The following DOCK3 variants were observed in gnomAD, a reference collection of about 807,000 sequenced individuals.
DOCK3 encodes the protein dedicator of cytokinesis protein 3.
Under a neutral mutation model 265.6 loss-of-function variants are expected in DOCK3, and 60 were observed. That is an observed-to-expected ratio of 0.23 (90% confidence interval 0.18 to 0.28). The LOEUF (loss-of-function observed/expected upper bound fraction) is 0.28. Among genes scored for constraint, DOCK3 ranks in the 10% least tolerant of loss-of-function variants. The pLI is 1.00. For synonymous variants in DOCK3, 881 were observed against 938.0 expected (o/e 0.94, Z 1.11); for missense variants, 1,981 against 2,594.3 (o/e 0.76, Z 5.14).
intron 14 of DOCK3, among the ~76,000 whole-genome samples, chr3:51,221,810 AAGG>A (rs2090111456): frequency 6.6e-6 from 1 of 152,130 alleles, no homozygotes; most frequent in Admixed American, 6.5e-5. Flanking sequence ...GTCCTTCCTA[AAGG>A]AGAGACCCGT....
chr3:50,799,216 C>G (rs984676070), intron 2 of DOCK3, among the ~76,000 whole-genome samples: 2 of 152,024 alleles, frequency 1.3e-5, no homozygotes, highest in Admixed American at 1.3e-4. Flanking sequence ...TGGTTCCATG[C>G]CAATTTTAGG....
intron 27 of DOCK3, among the ~76,000 whole-genome samples, chr3:51,293,559 G>A (rs1036719532): frequency 2.0e-5 from 3 of 152,100 alleles, no homozygotes; most frequent in Non-Finnish European, 4.4e-5. Flanking sequence ...TCTAGGTAGG[G>A]ATTTCTTGGA....
intron 5 of DOCK3, among the ~76,000 whole-genome samples, chr3:50,944,846 G>C (rs1383825806): frequency 6.6e-6 from 1 of 152,184 alleles, no homozygotes; most frequent in Non-Finnish European, 1.5e-5. Flanking sequence ...TGTAATCCCA[G>C]CTATTCAGGA....
At chr3:51,116,013 T>C (rs950496788) in intron 9 of DOCK3, among the ~76,000 whole-genome samples, 10 of 152,322 alleles carry the variant, frequency 6.6e-5, no homozygotes, top group African/African-American at 2.4e-4. Context: ...ATCTCTGTTT[T>C]GGTACCAGTA....
intron 1 of DOCK3, among the ~76,000 whole-genome samples, chr3:50,700,643 A>G (rs1048493353): frequency 7.0e-6 from 1 of 142,424 alleles, no homozygotes; most frequent in Non-Finnish European, 1.5e-5. Context: ...ATAGTATTCT[A>G]TTGTGTGTAC....
At chr3:51,362,462 T>C in intron 48 of DOCK3, 65 bp from the exon 49 acceptor site, 3 of 1,606,410 alleles carry the variant, frequency 1.9e-6, no homozygotes, top group Non-Finnish European at 2.6e-6. Context: ...AAAAGCAAAC[T>C]CTGTGCCAGC....
intron 12 of DOCK3, among the ~76,000 whole-genome samples, chr3:51,207,246 G>A (rs1417995057): frequency 1.3e-5 from 2 of 152,136 alleles, no homozygotes; most frequent in Non-Finnish European, 2.9e-5. Context: ...TTGGGTGGAG[G>A]GGTAGATGTG....
At chr3:51,072,907 T>C (rs2081931284) in intron 6 of DOCK3, among the ~76,000 whole-genome samples, 2 of 151,378 alleles carry the variant, frequency 1.3e-5, no homozygotes, top group Admixed American at 6.6e-5. Flanking sequence ...GGGGTCTCAC[T>C]GAGTTGCCCA....
intron 4 of DOCK3, among the ~76,000 whole-genome samples, chr3:50,918,236 T>A (rs2050234195): frequency 1.3e-5 from 2 of 152,176 alleles, no homozygotes; most frequent in Admixed American, 1.3e-4. Flanking sequence ...GCATGTGTCT[T>A]TATAGTAGCA....
intron 9 of DOCK3, among the ~76,000 whole-genome samples, chr3:51,143,355 C>T (rs760135898): frequency 4.6e-5 from 7 of 151,280 alleles, no homozygotes; most frequent in African/African-American, 7.3e-5. Flanking sequence ...CTGTAGCCTC[C>T]GCCCCCTGGG....
chr3:51,090,452 C>A, intron 9 of DOCK3, 68 bp downstream of exon 9: 1 of 1,453,248 alleles, frequency 6.9e-7, no homozygotes, highest in East Asian at 2.5e-5. Context: ...CATCTCTGGC[C>A]ATCAGAGAAG....
At chr3:51,046,024 C>T (rs1354439270) in intron 5 of DOCK3, among the ~76,000 whole-genome samples, 1 of 151,954 alleles carries the variant, frequency 6.6e-6, no homozygotes, top group Admixed American at 6.6e-5. Flanking sequence ...TTGTTATCAG[C>T]TTAAAATAGA....
intron 27 of DOCK3, among the ~76,000 whole-genome samples, chr3:51,281,295 A>G (rs2081102962): frequency 8.1e-6 from 1 of 124,062 alleles, no homozygotes; most frequent in Non-Finnish European, 1.6e-5. Context: ...ATATATATAT[A>G]TATATATATA....
At chr3:51,308,377 G>A (rs1328328187) in intron 27 of DOCK3, among the ~76,000 whole-genome samples, 4 of 151,748 alleles carry the variant, frequency 2.6e-5, no homozygotes, top group African/African-American at 7.3e-5. Context: ...CTTCCGCAGT[G>A]TTTGTGTCCC....
At chr3:50,961,006 A>C (rs540133766) in intron 5 of DOCK3, among the ~76,000 whole-genome samples, 2 of 152,318 alleles carry the variant, frequency 1.3e-5, no homozygotes, top group Admixed American at 1.3e-4. Flanking sequence ...GGGAAAATTT[A>C]TGGACTCTAA....
intron 3 of DOCK3, among the ~76,000 whole-genome samples, chr3:50,884,322 C>T (rs566800990): frequency 1.3e-5 from 2 of 152,260 alleles, no homozygotes; most frequent in East Asian, 1.9e-4. Context: ...AACTCCTGAC[C>T]TCAGGTGATT....
chr3:51,045,887 A>G (rs183570499), intron 5 of DOCK3, among the ~76,000 whole-genome samples: 2 of 152,206 alleles, frequency 1.3e-5, no homozygotes, highest in Non-Finnish European at 2.9e-5. Context: ...TGTACTTTTT[A>G]TTTTGAGATA....
At chr3:50,751,930 C>T (rs1179610208) in intron 1 of DOCK3, among the ~76,000 whole-genome samples, 3 of 152,066 alleles carry the variant, frequency 2.0e-5, no homozygotes, top group African/African-American at 7.2e-5. Context: ...CACTCATTAT[C>T]ACAAGACCCG....
At chr3:51,311,584 T>C (rs1474582721) in intron 28 of DOCK3, among the ~76,000 whole-genome samples, 1 of 152,216 alleles carries the variant, frequency 6.6e-6, no homozygotes, top group African/African-American at 2.4e-5. Context: ...TAAAATTATG[T>C]TCTAAATCCT....
Sources: gnomAD v4.1 joint callset for allele counts (sites outside exome capture counted in the v4.1 genomes callset) on GRCh38, gnomAD v4.1.1 for gene constraint, MANE v1.5 for transcripts, NCBI Gene and HGNC (gene_info 2026-07-23, HGNC 2026-07-21) for gene names.